The following DNAH5 variants were observed in gnomAD, a reference collection of about 807,000 sequenced individuals.
DNAH5 encodes axonemal beta dynein heavy chain 5.
In DNAH5, 372 loss-of-function variants were observed where a neutral mutation model predicts 518.2. The ratio of observed to expected loss-of-function variants is 0.72; its 90% CI spans 0.66 to 0.78. DNAH5 has a LOEUF of 0.78. Among genes scored for constraint, DNAH5 ranks in the 30% least tolerant of loss-of-function variants. The pLI is 0.00. For missense variants in DNAH5, 5,523 were observed against 5,687.0 expected, an observed-to-expected ratio of 0.97 and a Z score of 0.93; for synonymous variants, 2,039 against 2,025.9, an observed-to-expected ratio of 1.01 and a Z score of -0.17.
At chr5:13,692,623 C>A (rs1740846527) in intron 78 of DNAH5, among the ~76,000 whole-genome samples, 1 of 152,148 alleles carries the variant, frequency 6.6e-6, no homozygotes, top group African/African-American at 2.4e-5. Context: ...CACCCCCCAG[C>A]TAAATCAGGT....
rs181022401 is a variant in DNAH5, at chr5:13,802,340, T to C, written c.7887+5251A>G. Among the ~76,000 whole-genome samples the C allele has an allele frequency of 8.5e-5, 13 of 152,302 alleles. No homozygotes were observed. In the East Asian group the frequency reaches 2.1e-3, roughly 25 times the overall value. On this transcript the variant is annotated intron_variant, in intron 47 of 78. Coordinates refer to ENST00000265104, the MANE Select transcript of DNAH5 (RefSeq NM_001369.3). ...CTGAGGAATGGAGCTCCCTTCTGGC[T>C]CTTTTCTGAGCTAGAAGCCCTAAAC...
chr5:13,863,529 T>C (rs72735024), intron 28 of DNAH5, among the ~76,000 whole-genome samples: 7,241 of 152,106 alleles, frequency 0.048, 229 homozygotes, highest in Middle Eastern at 0.11. Flanking sequence ...AGTTCATCTT[T>C]AGCCCTCCCC....
At chr5:13,702,691 G>A (rs1384365692) in intron 76 of DNAH5, among the ~76,000 whole-genome samples, 2 of 152,084 alleles carry the variant, frequency 1.3e-5, no homozygotes, top group African/African-American at 4.8e-5. Flanking sequence ...AAAGGGGTCT[G>A]GTCAAAGCTG....
intron 34 of DNAH5, 98 bp downstream of exon 34, chr5:13,840,808 T>C (rs1765048828): frequency 1.0e-6 from 1 of 989,626 alleles, no homozygotes; most frequent in Non-Finnish European, 1.5e-6. Context: ...AATTTAATTT[T>C]TTCCTTGAAT....
Position 13,894,734 on chromosome 5 carries a change from C to T in DNAH5, c.2347G>A (p.Glu783Lys). 1 of 1,614,154 alleles carries T rather than the reference C, an allele frequency of 6.2e-7. No homozygotes were observed. The change falls in exon 16 of 79, where the codon GAA (glutamate) becomes AAA (lysine). Residue 783 changes from glutamate (E) to lysine (K), a missense_variant. Glu to Lys is a moderately conservative substitution (Grantham distance 56). This residue lies in a region of DNAH5 where 5,121 missense variants were observed against 5,223.3 expected (regional missense o/e 0.98). Coordinates refer to ENST00000265104, the MANE Select transcript of DNAH5 (RefSeq NM_001369.3). ...GCAGCCAAGCCAGGTTGGAGAGCTT[C>T]ATCCACTTTGGCCAAGTGAGGGACA... ...LIVPHLAKVD[E>K]ALQPGLAALT...
chr5:13,781,553 C>T (rs1014180527), intron 52 of DNAH5, among the ~76,000 whole-genome samples: 19 of 56,940 alleles, frequency 3.3e-4, no homozygotes, highest in African/African-American at 5.0e-4. Context: ...ATCAAGGTGG[C>T]GGCTTCCCCA....
At chr5:13,746,895 T>TA (rs1262579130) in intron 65 of DNAH5, among the ~76,000 whole-genome samples, 1 of 152,112 alleles carries the variant, frequency 6.6e-6, no homozygotes, top group Non-Finnish European at 1.5e-5. Flanking sequence ...TTTTAATATA[T>TA]ATTTTTATTA....
chr5:13,824,274 T>C lies in DNAH5; in HGVS notation c.6504A>G (p.Ala2168=). 1 of 1,614,150 alleles carries C rather than the reference T, an allele frequency of 6.2e-7. No homozygotes were observed. Among genetic ancestry groups the C allele is most frequent in the Admixed American group, 1.7e-5 (1 of 60,026 alleles). The part of the protein sequence containing the change: ...ILSVLRTLGA[A]KRANPMDTES... ...CCGTATCCATTGGATTGGCTCTTTT[T>C]GCTGCTCCCAAGGTCCGAAGAACTG... The change falls in exon 39 of 79, where the codon GCA becomes GCG. Residue 2168 remains alanine (A), a synonymous_variant. Coordinates refer to ENST00000265104, the MANE Select transcript of DNAH5 (RefSeq NM_001369.3).
At chr5:13,802,562 T>C (rs1380728468) in intron 47 of DNAH5, among the ~76,000 whole-genome samples, 2 of 152,230 alleles carry the variant, frequency 1.3e-5, no homozygotes, top group African/African-American at 4.8e-5. Context: ...CTGCCATAAG[T>C]AGCACTTATC....
At chr5:13,958,242 C>T (rs943204123) in intron 1 of DNAH5, among the ~76,000 whole-genome samples, 22 of 152,022 alleles carry the variant, frequency 1.4e-4, no homozygotes, top group African/African-American at 5.3e-4. Flanking sequence ...TTCATCTCTC[C>T]AAAATTATAC....
chr5:13,856,158 G>A (rs937144839), intron 30 of DNAH5, among the ~76,000 whole-genome samples: 1 of 152,116 alleles, frequency 6.6e-6, no homozygotes, highest in Non-Finnish European at 1.5e-5. Flanking sequence ...GAGCAGAACC[G>A]AAGGAGATAG....
At chr5:13,701,020 A>C in intron 77 of DNAH5, 149 bp from the exon 78 acceptor site, 1 of 962,566 alleles carries the variant, frequency 1.0e-6, no homozygotes, top group Non-Finnish European at 1.6e-6. Context: ...CCTCATTAAA[A>C]AAACCACATC....
At chr5:13,708,470 C>CAAA in intron 75 of DNAH5, 135 bp from the exon 76 acceptor site, 2 of 651,462 alleles carry the variant, frequency 3.1e-6, no homozygotes, top group South Asian at 4.9e-5. Flanking sequence ...TATTGCATGG[C>CAAA]AAAAAGAAAA....
rs577030345 is a variant in DNAH5 at position 13,891,170 on chromosome 5, G to T, written c.2432-49C>A. 10 of 1,603,286 alleles carry T rather than the reference G, an allele frequency of 6.2e-6. No individual in the cohort carries two copies. The African/African-American group carries it at 9.4e-5, about 15-fold the overall frequency. On this transcript the variant is annotated intron_variant, in intron 16 of 78. Transcript: ENST00000265104. ...TAAAAGAGATTAGGTAAAGCATTTTGTTTTTTAAAAAAATCAACACTTGAT... is the reference window on the plus strand; with the variant it reads ...TAAAAGAGATTAGGTAAAGCATTTTTTTTTTTAAAAAAATCAACACTTGAT...
intron 70 of DNAH5, among the ~76,000 whole-genome samples, chr5:13,725,448 G>T (rs1047228964): frequency 6.6e-6 from 1 of 152,192 alleles, no homozygotes; most frequent in Non-Finnish European, 1.5e-5. Flanking sequence ...AGTTAATTCA[G>T]GTGTGGCAAG....
At chr5:14,008,030 G>GCCTGGCCAACAGGGCAAAAACCC (rs1163207529) in intron 1 of DNAH5, among the ~76,000 whole-genome samples, 9 of 152,056 alleles carry the variant, frequency 5.9e-5, no homozygotes, top group South Asian at 2.1e-4. Context: ...AAAATTAGCA[G>GCCTGGCCAACAGGGCAAAAACCC]GTGTAATGGC....
intron 11 of DNAH5, among the ~76,000 whole-genome samples, chr5:13,913,054 A>T (rs1776207031): frequency 6.6e-6 from 1 of 151,984 alleles, no homozygotes; most frequent in Non-Finnish European, 1.5e-5. Flanking sequence ...TAATTATATG[A>T]TCCTTTTCAA....
chr5:13,999,137 G>T (rs1174963267), intron 1 of DNAH5, among the ~76,000 whole-genome samples: 1 of 152,256 alleles, frequency 6.6e-6, no homozygotes, highest in Non-Finnish European at 1.5e-5. Context: ...CTCCCAAGGT[G>T]CTGGGATTAC....
intron 78 of DNAH5, among the ~76,000 whole-genome samples, chr5:13,696,568 A>C (rs1484037704): frequency 6.6e-6 from 1 of 152,196 alleles, no homozygotes; most frequent in South Asian, 2.1e-4. Context: ...AATTTCCTTC[A>C]TATTAATGTA....
Sources: allele counts gnomAD v4.1 joint callset (sites outside exome capture counted in the v4.1 genomes callset), GRCh38; gene constraint gnomAD v4.1.1; regional missense constraint gnomAD v4.1.1; transcripts MANE v1.5; gene names NCBI Gene and HGNC (gene_info 2026-07-23, HGNC 2026-07-21).